INPP4B: variants seen among roughly 807,000 people sequenced by gnomAD.
INPP4B encodes inositol polyphosphate 4-phosphatase type II.
INPP4B carries 55 observed loss-of-function variants against 122.5 expected under a neutral mutation model. The ratio of observed to expected loss-of-function variants is 0.45; its 90% confidence interval spans 0.36 to 0.56. INPP4B has a LOEUF of 0.56. Ranked by LOEUF, INPP4B falls within the 20% of genes least tolerant of loss-of-function variation. The pLI, the probability that INPP4B is intolerant of heterozygous loss-of-function variation, is 0.00. For synonymous variants in INPP4B, 403 were observed against 388.7 expected (o/e 1.04, Z -0.43); for missense variants, 1,000 against 1,097.7 (o/e 0.91, Z 1.26).
At chr4:142,042,308 C>A (rs760648814) in intron 25 of INPP4B, among the ~76,000 whole-genome samples, 31 of 152,112 alleles carry the variant, frequency 2.0e-4, no homozygotes, top group Admixed American at 4.6e-4. Flanking sequence ...CCTAGCTATG[C>A]ACAGGGAGCC....
At chr4:142,473,571 G>C (rs1203837822) in intron 2 of INPP4B, among the ~76,000 whole-genome samples, 1 of 152,214 alleles carries the variant, frequency 6.6e-6, no homozygotes, top group Non-Finnish European at 1.5e-5. Context: ...TTTGGCCCCA[G>C]AGCAGACCAT....
chr4:142,738,095 C>A (rs1767263894), intron 1 of INPP4B, among the ~76,000 whole-genome samples: 1 of 152,072 alleles, frequency 6.6e-6, no homozygotes, highest in Non-Finnish European at 1.5e-5. Flanking sequence ...TTGACCCAGC[C>A]ATCCCATTAC....
At chr4:142,551,676 T>C (rs572982269) in intron 2 of INPP4B, among the ~76,000 whole-genome samples, 7 of 152,280 alleles carry the variant, frequency 4.6e-5, no homozygotes, top group Middle Eastern at 3.4e-3. Flanking sequence ...TATCACGCAG[T>C]AGAACTGTAG....
At chr4:142,097,221 GTTATTTTTATT>G (rs1271058421) in intron 23 of INPP4B, among the ~76,000 whole-genome samples, 1,008 of 75,836 alleles carry the variant, frequency 0.013, 8 homozygotes, top group Middle Eastern at 0.023. Flanking sequence ...TTTATTTTAT[GTTATTTTTATT>G]TTATTTTATT....
chr4:142,317,029 G>C (rs1163768344), intron 7 of INPP4B, among the ~76,000 whole-genome samples: 1 of 152,198 alleles, frequency 6.6e-6, no homozygotes, highest in East Asian at 1.9e-4. Context: ...GCATTTTCCT[G>C]TGGGCATTTA....
At chr4:142,304,274 C>T (rs17015881) in intron 9 of INPP4B, among the ~76,000 whole-genome samples, 1 of 151,910 alleles carries the variant, frequency 6.6e-6, no homozygotes. Flanking sequence ...AAACTGAAAA[C>T]AGTAACAGCA....
At chr4:142,260,747 T>TA (rs1341238825) in intron 10 of INPP4B, among the ~76,000 whole-genome samples, 183 bp from the exon 11 acceptor site, 1 of 152,222 alleles carries the variant, frequency 6.6e-6, no homozygotes, top group Non-Finnish European at 1.5e-5. Context: ...GTGATTTACT[T>TA]AAATGTATAC....
chr4:142,714,924 A>G (rs770493908), intron 2 of INPP4B, among the ~76,000 whole-genome samples: 2 of 152,210 alleles, frequency 1.3e-5, no homozygotes, highest in Non-Finnish European at 2.9e-5. Flanking sequence ...TTAATAAGAA[A>G]TGTTATTATA....
At chr4:142,184,586 C>T (rs1021682816) in intron 15 of INPP4B, among the ~76,000 whole-genome samples, 2 of 152,116 alleles carry the variant, frequency 1.3e-5, no homozygotes, top group Non-Finnish European at 2.9e-5. Flanking sequence ...ATATATATAT[C>T]CATTCATCAA....
chr4:142,581,159 T>TA (rs1010981973), intron 2 of INPP4B, among the ~76,000 whole-genome samples: 1 of 151,968 alleles, frequency 6.6e-6, no homozygotes, highest in Non-Finnish European at 1.5e-5. Context: ...TGCATCAGGT[T>TA]AAAAAAATAT....
intron 2 of INPP4B, among the ~76,000 whole-genome samples, chr4:142,662,594 T>C (rs965151645): frequency 5.9e-5 from 9 of 152,116 alleles, no homozygotes; most frequent in African/African-American, 2.2e-4. Flanking sequence ...GTCACCTCCA[T>C]GCTGAAAGCA....
At chr4:142,335,256 C>T (rs180728909) in intron 7 of INPP4B, among the ~76,000 whole-genome samples, 3 of 151,770 alleles carry the variant, frequency 2.0e-5, no homozygotes, top group African/African-American at 7.2e-5. Context: ...CAGATTAAAA[C>T]TTGCAATAAC....
intron 7 of INPP4B, among the ~76,000 whole-genome samples, chr4:142,368,074 T>C (rs1175462637): frequency 6.6e-6 from 1 of 152,172 alleles, no homozygotes; most frequent in Non-Finnish European, 1.5e-5. Flanking sequence ...TTTGCAACCG[T>C]GTAAGCTCTC....
At chr4:142,186,435 A>G (rs1296347916) in intron 15 of INPP4B, among the ~76,000 whole-genome samples, 1 of 152,226 alleles carries the variant, frequency 6.6e-6, no homozygotes, top group African/African-American at 2.4e-5. Context: ...GAATTGTCTG[A>G]GATGAAAGTT....
At position 142,718,898 on chromosome 4, in the gene INPP4B, A is replaced by G. The variant is rs189258518; in HGVS notation, c.-191+6941T>C. On this transcript the variant is annotated intron_variant, in intron 2 of 25. Coordinates refer to ENST00000262992, the MANE Select transcript of INPP4B (RefSeq NM_001101669.3). ...AATCCTCAAATATAACAACTTCAGTATGAAAGTACATATTCCCTGAGCCTA... is the reference window on the plus strand; with the variant it reads ...AATCCTCAAATATAACAACTTCAGTGTGAAAGTACATATTCCCTGAGCCTA... 5.5e-4 allele frequency among the ~76,000 whole-genome samples: 84 copies of G among 152,328 alleles called. No homozygotes were observed. The East Asian group carries it at 0.011, about 19-fold the overall frequency.
intron 2 of INPP4B, among the ~76,000 whole-genome samples, chr4:142,706,103 T>C (rs1200680949): frequency 6.6e-6 from 1 of 152,238 alleles, no homozygotes; most frequent in Non-Finnish European, 1.5e-5. Flanking sequence ...GCTTCCATTC[T>C]ACCTAAACTT....
At chr4:142,339,378 C>T (rs1777916757) in intron 7 of INPP4B, among the ~76,000 whole-genome samples, 1 of 152,130 alleles carries the variant, frequency 6.6e-6, no homozygotes, top group Admixed American at 6.5e-5. Context: ...TTCCTAGGCT[C>T]ATATACAAAG....
chr4:142,084,105 CA>C (rs1206870436), intron 24 of INPP4B, among the ~76,000 whole-genome samples: 1 of 152,018 alleles, frequency 6.6e-6, no homozygotes, highest in African/African-American at 2.4e-5. Context: ...AAGAAAAAAA[CA>C]AATGACTTTA....
At chr4:142,162,248 A>C (rs1579125359) in intron 16 of INPP4B, among the ~76,000 whole-genome samples, 1 of 151,630 alleles carries the variant, frequency 6.6e-6, no homozygotes, top group African/African-American at 2.4e-5. Flanking sequence ...AGCAGTTTAT[A>C]CTAGATAGGC....
Sources: allele counts gnomAD v4.1 joint callset (sites outside exome capture counted in the v4.1 genomes callset), GRCh38; gene constraint gnomAD v4.1.1; transcripts MANE v1.5; gene names NCBI Gene and HGNC (gene_info 2026-07-23, HGNC 2026-07-21).